The following FGFR2 variants were observed in gnomAD, a reference collection of about 807,000 sequenced individuals.
FGFR2 encodes BEK fibroblast growth factor receptor.
FGFR2 carries 19 observed loss-of-function variants against 95.9 expected under a neutral mutation model. The observed-to-expected ratio is 0.20, with a 90% CI of 0.14 to 0.29. FGFR2 has a LOEUF of 0.29. Among genes scored for constraint, FGFR2 ranks in the 10% least tolerant of loss-of-function variants. The pLI is 1.00. For synonymous variants in FGFR2, 392 were observed against 393.3 expected (o/e 1.00, Z 0.04); for missense variants, 707 against 1,056.9 (o/e 0.67, Z 4.59).
chr10:121,500,517 T>G (rs987778724), intron 11 of FGFR2, among the ~76,000 whole-genome samples: 1 of 152,178 alleles, frequency 6.6e-6, no homozygotes, highest in African/African-American at 2.4e-5. Flanking sequence ...TATATGTGAG[T>G]TGATAATTTC....
rs41295527 is a variant in FGFR2 at position 121,526,419 on chromosome 10, C to T, written c.749-6250G>A. 3.9e-3 allele frequency among the ~76,000 whole-genome samples: 594 copies of T among 152,280 alleles called. 6 individuals are homozygous for T. The highest frequency in any genetic ancestry group is 0.013 in the African/African-American group (540 of 41,568). ...AGCCCAGAACTTGCTAAAGGCCCCA[C>T]GCTAATTACAATTAGTAGAATGAGT... On this transcript the variant is annotated intron_variant, in intron 6 of 17. Transcript: ENST00000358487.
intron 2 of FGFR2, among the ~76,000 whole-genome samples, chr10:121,587,752 G>C (rs996448231): frequency 4.6e-5 from 7 of 152,212 alleles, no homozygotes; most frequent in Non-Finnish European, 1.0e-4. Context: ...ATAGATGCTG[G>C]TGAGATTGCA....
rs559046503 is a variant in FGFR2, at chr10:121,557,120, C to A, written c.455-5661G>T. Among the ~76,000 whole-genome samples the A allele has an allele frequency of 3.3e-5, 5 of 152,314 alleles. No homozygotes were observed. The South Asian group carries it at 1.0e-3, about 32-fold the overall frequency. On this transcript the variant is annotated intron_variant, in intron 4 of 17. Coordinates refer to ENST00000358487, the MANE Select transcript of FGFR2 (RefSeq NM_000141.5). The stretch of plus-strand genomic sequence containing the variant: ...ATGTTTTCAAAACCAAGCAAGTTAA[C>A]CACAAGTGAAAGAACTGAGCCCACT...
At chr10:121,574,297 G>A (rs554616885) in intron 2 of FGFR2, among the ~76,000 whole-genome samples, 1 of 152,112 alleles carries the variant, frequency 6.6e-6, no homozygotes, top group African/African-American at 2.4e-5. Flanking sequence ...GGGAGGCCCA[G>A]GCAGGTGGAT....
intron 9 of FGFR2, among the ~76,000 whole-genome samples, chr10:121,508,884 G>T (rs1848659555): frequency 6.6e-6 from 1 of 152,164 alleles, no homozygotes; most frequent in African/African-American, 2.4e-5. Context: ...TCCCCTCTGG[G>T]GCTATAAAAT....
intron 6 of FGFR2, among the ~76,000 whole-genome samples, chr10:121,522,116 G>A (rs1850640542): frequency 6.6e-6 from 1 of 152,202 alleles, no homozygotes; most frequent in South Asian, 2.1e-4. Context: ...CGGAACGGTG[G>A]TTGCCAGGGG....
At chr10:121,502,746 T>C (rs540164434) in intron 10 of FGFR2, among the ~76,000 whole-genome samples, 27 of 152,342 alleles carry the variant, frequency 1.8e-4, no homozygotes, top group African/African-American at 5.3e-4. Context: ...GTGTATGTGA[T>C]GCAGAAGTAG....
intron 5 of FGFR2, among the ~76,000 whole-genome samples, chr10:121,546,431 T>G (rs1217324651): frequency 6.6e-6 from 1 of 152,166 alleles, no homozygotes; most frequent in Admixed American, 6.5e-5. Flanking sequence ...TTCAAGTCCT[T>G]TACTATTATA....
At chr10:121,545,979 G>C (rs1471120301) in intron 5 of FGFR2, among the ~76,000 whole-genome samples, 1 of 152,068 alleles carries the variant, frequency 6.6e-6, no homozygotes, top group African/African-American at 2.4e-5. Context: ...TCTGTCCTGC[G>C]ATCTCTCTTG....
intron 8 of FGFR2, among the ~76,000 whole-genome samples, chr10:121,516,657 A>C (rs1245189830): frequency 1.3e-5 from 2 of 152,234 alleles, no homozygotes; most frequent in Non-Finnish European, 2.9e-5. Context: ...ATGTCGGTTA[A>C]AGATTCAGAC....
intron 2 of FGFR2, among the ~76,000 whole-genome samples, chr10:121,593,068 T>C (rs924947463): frequency 6.6e-6 from 1 of 152,166 alleles, no homozygotes; most frequent in African/African-American, 2.4e-5. Flanking sequence ...CACCGGCGCA[T>C]GCCCTGTGAT....
At chr10:121,508,457 T>C (rs1278410533) in intron 9 of FGFR2, among the ~76,000 whole-genome samples, 1 of 152,150 alleles carries the variant, frequency 6.6e-6, no homozygotes, top group Non-Finnish European at 1.5e-5. Flanking sequence ...AGTTCACCCC[T>C]CTATGGCTCA....
At chr10:121,538,526 G>A (rs781054856) in intron 6 of FGFR2, 66 bp downstream of exon 6, 2 of 1,609,760 alleles carry the variant, frequency 1.2e-6, no homozygotes, top group South Asian at 1.1e-5. Context: ...TAACGTTCAT[G>A]CTTTCAAACG....
At chr10:121,489,564 T>C (rs1256342938) in intron 13 of FGFR2, among the ~76,000 whole-genome samples, 1 of 152,188 alleles carries the variant, frequency 6.6e-6, no homozygotes, top group Non-Finnish European at 1.5e-5. Context: ...CGCAAGTTCG[T>C]ATCTCCATCA....
At chr10:121,538,131 C>A in intron 6 of FGFR2, 1 of 581,632 alleles carries the variant, frequency 1.7e-6, no homozygotes, top group Admixed American at 3.1e-5. Context: ...GTGAAGGGCC[C>A]TCAACATTCA....
At chr10:121,494,212 C>T (rs1371681611) in intron 13 of FGFR2, among the ~76,000 whole-genome samples, 1 of 152,040 alleles carries the variant, frequency 6.6e-6, no homozygotes, top group African/African-American at 2.4e-5. Context: ...GCCTTATCCC[C>T]CTGTTTCCTC....
chr10:121,565,409 G>C (rs1312177613), intron 3 of FGFR2, 29 bp downstream of exon 3: 2 of 1,613,324 alleles, frequency 1.2e-6, no homozygotes, highest in Admixed American at 1.7e-5. Context: ...ACAGAGAAGA[G>C]AGAGCATAGT....
At chr10:121,489,929 T>G (rs1325605454) in intron 13 of FGFR2, among the ~76,000 whole-genome samples, 1 of 152,180 alleles carries the variant, frequency 6.6e-6, no homozygotes, top group African/African-American at 2.4e-5. Flanking sequence ...TGACTAAGGT[T>G]CCTGAAATGA....
intron 6 of FGFR2, among the ~76,000 whole-genome samples, chr10:121,533,975 G>A (rs1477413744): frequency 6.6e-6 from 1 of 151,570 alleles, no homozygotes; most frequent in Non-Finnish European, 1.5e-5. Context: ...TCTCCTGCAA[G>A]TCCAACAGCC....
Sources: gnomAD v4.1 joint callset for allele counts (sites outside exome capture counted in the v4.1 genomes callset) on GRCh38, gnomAD v4.1.1 for gene constraint, MANE v1.5 for transcripts, NCBI Gene and HGNC (gene_info 2026-07-23, HGNC 2026-07-21) for gene names.